Variants in MAP3K13 observed in about 807,000 individuals in gnomAD.
MAP3K13 encodes the protein mitogen-activated protein kinase kinase kinase 13.
MAP3K13 carries 52 observed loss-of-function variants against 104.0 expected under a neutral mutation model. That is an observed-to-expected ratio of 0.50 (90% CI 0.40 to 0.63). The LOEUF (loss-of-function observed/expected upper bound fraction) is 0.63. Ranked by LOEUF, MAP3K13 falls within the 20% of genes least tolerant of loss-of-function variation. MAP3K13 has a pLI of 0.00. For synonymous variants in MAP3K13, 394 were observed against 442.2 expected (o/e 0.89, Z 1.37); for missense variants, 914 against 1,218.5 (o/e 0.75, Z 3.72).
chr3:185,465,526 A>G (rs529255947), intron 8 of MAP3K13, among the ~76,000 whole-genome samples: 11 of 152,312 alleles, frequency 7.2e-5, no homozygotes, highest in African/African-American at 2.4e-4. Flanking sequence ...TGGCTATTCT[A>G]TATGGCTCAT....
chr3:185,418,706 G>C lies in MAP3K13; in HGVS notation c.-85-9791G>C. 6.2e-7 allele frequency: 1 copy of C among 1,611,122 alleles called. No homozygotes were observed. The highest frequency in any genetic ancestry group is 8.5e-7 in the Non-Finnish European group (1 of 1,177,982). On this transcript the variant is annotated intron_variant, in intron 1 of 13. Transcript: ENST00000265026. This position sits in a 1 kb window ranked among gnomAD's most constrained non-coding sequence, Gnocchi z 4.5. ...CGAATAGGAGCCTTGAATACAGCAGGCTAAGTGACATTTTTGCCAGATGAC... is the reference window on the plus strand; with the variant it reads ...CGAATAGGAGCCTTGAATACAGCAGCCTAAGTGACATTTTTGCCAGATGAC...
In MAP3K13 at chr3:185,433,074, A is replaced by T. The variant is rs140440597; in HGVS notation, c.475+4018A>T. 4.5e-3 allele frequency among the ~76,000 whole-genome samples: 689 copies of T among 152,366 alleles called. 7 individuals carry two copies. Among genetic ancestry groups the T allele is most frequent in the African/African-American group, 0.015 (637 of 41,584 alleles). ...TATGAGGAACTGTCACTGGATTTTTAAAAAATTTTAATGATGTCCTCACCT... is the reference window on the plus strand; with the variant it reads ...TATGAGGAACTGTCACTGGATTTTTTAAAAATTTTAATGATGTCCTCACCT... On this transcript the variant is annotated intron_variant, in intron 2 of 13. Transcript: ENST00000265026.
intron 2 of MAP3K13, among the ~76,000 whole-genome samples, chr3:185,333,193 T>G (rs1049973115): frequency 6.6e-6 from 1 of 152,164 alleles, no homozygotes; most frequent in Non-Finnish European, 1.5e-5. Flanking sequence ...CTAGTAGTCG[T>G]ACATACAGGT....
At chr3:185,478,383 T>C (rs552626318) in intron 12 of MAP3K13, among the ~76,000 whole-genome samples, 6 of 152,232 alleles carry the variant, frequency 3.9e-5, no homozygotes. Context: ...AAACAGGAAT[T>C]CCCTACAAAC....
In MAP3K13 at chr3:185,311,280, G is replaced by A. The variant is rs546377575; in HGVS notation, c.-86+25637G>A. On this transcript the variant is annotated intron_variant, in intron 2 of 14. Coordinates refer to the MAP3K13 transcript ENST00000424227. ...GCTGGGGAGACCTCAGAATCATGGC[G>A]GGAGGCAAAAGGCACTTCTTACAGG... is the stretch of plus-strand genomic sequence containing the variant. Among the ~76,000 whole-genome samples, 115 of 152,244 alleles carry A rather than the reference G, an allele frequency of 7.6e-4. No homozygotes were observed. In the South Asian group the frequency reaches 0.018, roughly 24 times the overall value.
intron 1 of MAP3K13, among the ~76,000 whole-genome samples, chr3:185,370,541 G>A (rs540244171): frequency 1.8e-4 from 27 of 152,208 alleles, no homozygotes; most frequent in African/African-American, 5.5e-4. Flanking sequence ...GGCATGCTGC[G>A]ACAGCTGGGG....
At chr3:185,353,766 A>G (rs532821026) in intron 2 of MAP3K13, among the ~76,000 whole-genome samples, 1 of 152,332 alleles carries the variant, frequency 6.6e-6, no homozygotes, top group East Asian at 1.9e-4. Flanking sequence ...GTACTAATGT[A>G]TGCCTTACCA....
At chr3:185,340,769 G>T (rs1722691273) in intron 2 of MAP3K13, among the ~76,000 whole-genome samples, 1 of 152,062 alleles carries the variant, frequency 6.6e-6, no homozygotes, top group South Asian at 2.1e-4. Flanking sequence ...TTTTATAAGG[G>T]TCTGGCATTT....
rs1354695990 is a variant in MAP3K13 at position 185,314,082 on chromosome 3, A to G, written c.-86+28439A>G. Among the ~76,000 whole-genome samples, 3 of 152,328 alleles carry G rather than the reference A, an allele frequency of 2.0e-5. No homozygotes were observed. The East Asian group carries it at 5.8e-4, about 29-fold the overall frequency. On this transcript the variant is annotated intron_variant, in intron 2 of 14. Coordinates refer to the MAP3K13 transcript ENST00000424227. ...TTTGCCCCTCCTCTGCACGCTGTGCACTTCTGTTGCTGTATTACCAGCTGA... is the reference window on the plus strand; with the variant it reads ...TTTGCCCCTCCTCTGCACGCTGTGCGCTTCTGTTGCTGTATTACCAGCTGA...
At chr3:185,457,664 C>T (rs1716846174) in intron 7 of MAP3K13, among the ~76,000 whole-genome samples, 1 of 152,188 alleles carries the variant, frequency 6.6e-6, no homozygotes, top group African/African-American at 2.4e-5. Flanking sequence ...AACATTCAGA[C>T]CATAGCAGCA....
chr3:185,415,573 A>ATTTTTTTTTTTTTTTTTTTT lies in MAP3K13; in HGVS notation c.-85-12921_-85-12920insTTTTTTTTTTTTTTTTTTTT, dbSNP rs34633048. On this transcript the variant is annotated intron_variant, in intron 1 of 13. Transcript: ENST00000265026. The stretch of plus-strand genomic sequence containing the variant: ...CACAGTATTAAAACCAGAAGGGTTA[A>ATTTTTTTTTTTTTTTTTTTT]TTTCTTTTTTTTTTTTTTTTTTTTT... Among the ~76,000 whole-genome samples, 5 of 119,452 alleles carry ATTTTTTTTTTTTTTTTTTTT rather than the reference A, an allele frequency of 4.2e-5. 2 individuals carry two copies. The highest frequency in any genetic ancestry group is 3.4e-5 in the Non-Finnish European group (2 of 59,192). 78.4% of individuals were successfully genotyped at this position (119,452 alleles called of 152,430 possible). A position where few individuals can be genotyped will look rare whatever the true frequency, so the allele number is the denominator to read the frequency against.
chr3:185,290,712 G>A (rs982694500), intron 2 of MAP3K13, among the ~76,000 whole-genome samples: 4 of 152,112 alleles, frequency 2.6e-5, no homozygotes, highest in East Asian at 1.9e-4. Context: ...GACATTAGTA[G>A]TATCTAATTC....
chr3:185,435,900 C>A (rs115131552), intron 2 of MAP3K13, among the ~76,000 whole-genome samples: 360 of 152,270 alleles, frequency 2.4e-3, no homozygotes, highest in African/African-American at 8.3e-3. Flanking sequence ...ACCAGAGTAT[C>A]TTTGAAGCTA....
intron 2 of MAP3K13, among the ~76,000 whole-genome samples, chr3:185,293,593 T>C (rs1317855825): frequency 6.6e-6 from 1 of 151,996 alleles, no homozygotes; most frequent in Non-Finnish European, 1.5e-5. Flanking sequence ...CCCAGCTAAT[T>C]TTTGTATTTT....
chr3:185,397,258 A>T (rs1011133930), intron 1 of MAP3K13, among the ~76,000 whole-genome samples: 1 of 152,214 alleles, frequency 6.6e-6, no homozygotes, highest in African/African-American at 2.4e-5. Flanking sequence ...AATTTCTTAT[A>T]TTCACAGAAT....
In MAP3K13 at chr3:185,430,477, G is replaced by A. The variant is rs1459370226; in HGVS notation, c.475+1421G>A. Among the ~76,000 whole-genome samples, 4 of 152,070 alleles carry A rather than the reference G, an allele frequency of 2.6e-5. No homozygotes were observed. In the East Asian group the frequency reaches 7.7e-4, roughly 29 times the overall value. On this transcript the variant is annotated intron_variant, in intron 2 of 13. Coordinates refer to ENST00000265026, the MANE Select transcript of MAP3K13 (RefSeq NM_004721.5). The stretch of plus-strand genomic sequence containing the variant: ...ACCCTCCACCCTCACGTAGGCCCCA[G>A]TGTCTGTCATTCCTCTCTTTGTGTC...
intron 2 of MAP3K13, among the ~76,000 whole-genome samples, chr3:185,304,876 C>T (rs1721228930): frequency 6.6e-6 from 1 of 152,146 alleles, no homozygotes; most frequent in African/African-American, 2.4e-5. Flanking sequence ...TTGTGATCCG[C>T]CCCCTTCGGC....
chr3:185,378,257 A>G (rs149218625), intron 1 of MAP3K13, among the ~76,000 whole-genome samples: 5 of 152,312 alleles, frequency 3.3e-5, no homozygotes, highest in Non-Finnish European at 7.3e-5. Context: ...ATAAAATAAA[A>G]TGCATATTGA....
At chr3:185,317,298 G>A (rs9883390) in intron 2 of MAP3K13, among the ~76,000 whole-genome samples, 118,178 of 152,062 alleles carry the variant, frequency 0.78, 46,473 homozygotes, top group Non-Finnish European at 0.84. Context: ...GTGTGGCCAG[G>A]TCGGGGAAAT....
Sources: gnomAD v4.1 joint callset for allele counts (sites outside exome capture counted in the v4.1 genomes callset) on GRCh38, gnomAD v4.1.1 for gene constraint, Gnocchi (gnomAD v3.1) non-coding constraint, MANE v1.5 for transcripts, NCBI Gene and HGNC (gene_info 2026-07-23, HGNC 2026-07-21) for gene names.